Variants in TNIP3 observed in about 807,000 individuals in gnomAD.
TNIP3 encodes TNFAIP3-interacting protein 3.
Under a neutral mutation model 54.1 loss-of-function variants are expected in TNIP3, and 34 were observed. The ratio of observed to expected loss-of-function variants is 0.63; its 90% CI spans 0.48 to 0.84. The LOEUF (loss-of-function observed/expected upper bound fraction) is 0.84. Ranked by LOEUF, TNIP3 falls within the 40% of genes least tolerant of loss-of-function variation. The pLI, the probability that TNIP3 is intolerant of heterozygous loss-of-function variation, is 0.00. For missense variants in TNIP3, 366 were observed against 387.6 expected (o/e 0.94, Z 0.47); for synonymous variants, 134 against 136.8 (o/e 0.98, Z 0.14).
At chr4:121,221,938 AG>A (rs952663362) in intron 1 of TNIP3, among the ~76,000 whole-genome samples, 1 of 152,176 alleles carries the variant, frequency 6.6e-6, no homozygotes, top group Non-Finnish European at 1.5e-5. Context: ...CTGACATTTG[AG>A]GACTGAATCT....
chr4:121,195,401 C>T (rs1477695257), intron 2 of TNIP3, among the ~76,000 whole-genome samples: 3 of 152,178 alleles, frequency 2.0e-5, no homozygotes, highest in Non-Finnish European at 2.9e-5. Context: ...TATATCACAG[C>T]ATTACCTTTG....
chr4:121,208,706 G>A (rs891250254), intron 2 of TNIP3, among the ~76,000 whole-genome samples: 4 of 152,194 alleles, frequency 2.6e-5, no homozygotes, highest in African/African-American at 9.7e-5. Flanking sequence ...AAAAGTGGGT[G>A]TGATATAATA....
At chr4:121,139,303 A>G (rs1408842234) in intron 9 of TNIP3, among the ~76,000 whole-genome samples, 2 of 152,254 alleles carry the variant, frequency 1.3e-5, no homozygotes, top group Non-Finnish European at 2.9e-5. Flanking sequence ...CTAGGTTTAC[A>G]CCAGTTAAGA....
At chr4:121,227,229 C>T (rs896867463) in intron 1 of TNIP3, among the ~76,000 whole-genome samples, 5 of 152,122 alleles carry the variant, frequency 3.3e-5, no homozygotes, top group Non-Finnish European at 5.9e-5. Flanking sequence ...ACACATAAAA[C>T]CTTATCTTAA....
intron 2 of TNIP3, among the ~76,000 whole-genome samples, chr4:121,198,384 T>C (rs1410297310): frequency 6.6e-6 from 1 of 152,004 alleles, no homozygotes; most frequent in Admixed American, 6.6e-5. Context: ...TGCAAAGAGG[T>C]TTACAAGGCA....
intron 3 of TNIP3, among the ~76,000 whole-genome samples, chr4:121,180,331 C>T (rs975311171): frequency 4.0e-5 from 6 of 151,852 alleles, no homozygotes; most frequent in East Asian, 1.9e-4. Context: ...ACTCAGGAGG[C>T]GCAGCTTGCA....
intron 2 of TNIP3, among the ~76,000 whole-genome samples, chr4:121,191,080 G>A (rs892394882): frequency 6.6e-6 from 1 of 152,026 alleles, no homozygotes; most frequent in Non-Finnish European, 1.5e-5. Context: ...TGTTTTTGTT[G>A]TTTTTGTTTT....
intron 6 of TNIP3, among the ~76,000 whole-genome samples, chr4:121,149,347 T>C (rs1729607136): frequency 6.6e-6 from 1 of 152,194 alleles, no homozygotes; most frequent in Non-Finnish European, 1.5e-5. Context: ...TTATAATAAG[T>C]ACAAAGTATT....
At chr4:121,147,006 TATAC>T in intron 7 of TNIP3, 39 bp downstream of exon 7, 1 of 1,560,842 alleles carries the variant, frequency 6.4e-7, no homozygotes, top group African/African-American at 1.4e-5. Context: ...ATGAAAAAAA[TATAC>T]ATACATGCTG....
chr4:121,227,307 A>T, intron 1 of TNIP3: 2 of 1,337,654 alleles, frequency 1.5e-6, no homozygotes, highest in Non-Finnish European at 2.1e-6. Flanking sequence ...TATGCATTTT[A>T]AAAAAGAAAT....
chr4:121,141,411 T>C (rs1280432896), intron 9 of TNIP3, among the ~76,000 whole-genome samples: 4 of 152,236 alleles, frequency 2.6e-5, no homozygotes, highest in Admixed American at 1.3e-4. Context: ...TTTGCACATA[T>C]GTAGCAATAT....
intron 2 of TNIP3, among the ~76,000 whole-genome samples, chr4:121,198,838 GTAA>G (rs535930551): frequency 5.6e-4 from 85 of 152,298 alleles, no homozygotes; most frequent in African/African-American, 1.9e-3. Context: ...TTCTTTCAAA[GTAA>G]TGATGGCCTG....
intron 2 of TNIP3, among the ~76,000 whole-genome samples, chr4:121,210,945 A>G (rs1726448475): frequency 1.3e-5 from 2 of 152,238 alleles, no homozygotes; most frequent in African/African-American, 4.8e-5. Flanking sequence ...AACAAAAAAG[A>G]GAAATCATCA....
chr4:121,138,042 T>C (rs1322353271), intron 10 of TNIP3: 3 of 447,748 alleles, frequency 6.7e-6, no homozygotes, highest in Non-Finnish European at 1.3e-5. Context: ...AAATGTTAAA[T>C]CAATAAAAAA....
intron 2 of TNIP3, among the ~76,000 whole-genome samples, chr4:121,189,312 G>A (rs1171798026): frequency 6.6e-6 from 1 of 152,106 alleles, no homozygotes; most frequent in Non-Finnish European, 1.5e-5. Flanking sequence ...GAAAGACCCT[G>A]GAGAACAAAG....
intron 1 of TNIP3, among the ~76,000 whole-genome samples, chr4:121,222,056 A>G (rs1439374877): frequency 6.6e-6 from 1 of 152,164 alleles, no homozygotes; most frequent in East Asian, 1.9e-4. Flanking sequence ...CTAAAATGAG[A>G]ACAGATTGTA....
rs1728929666 is a variant in TNIP3, at chr4:121,138,644, T to A, written c.926A>T (p.Asp309Val). 6.2e-7 allele frequency: 1 copy of A among 1,613,936 alleles called. No homozygotes were observed. Among genetic ancestry groups the A allele is most frequent in the Admixed American group, 1.7e-5 (1 of 60,002 alleles). Reference sequence around the variant, plus strand: ...CTCACCATTTGCCTTGTGTTGTACATCTGGCGGAAGCTGGTCAAGAGCATA... The same window carrying A: ...CTCACCATTTGCCTTGTGTTGTACAACTGGCGGAAGCTGGTCAAGAGCATA... ...QWYALDQLPPDVQHKANGLSS... is the reference protein window; with the variant it reads ...QWYALDQLPPVVQHKANGLSS... The change falls in exon 10 of 11, where the codon GAT (aspartate) becomes GTT (valine). Residue 309 changes from aspartate (D) to valine (V), a missense_variant. By Grantham distance (152) the Asp-to-Val change is radical (BLOSUM62 -3). Coordinates refer to ENST00000057513, the MANE Select transcript of TNIP3 (RefSeq NM_024873.6).
At chr4:121,199,606 C>T (rs190215342) in intron 2 of TNIP3, among the ~76,000 whole-genome samples, 7 of 152,258 alleles carry the variant, frequency 4.6e-5, no homozygotes, top group Middle Eastern at 6.8e-3. Flanking sequence ...TGATCTTTAT[C>T]TCCCACATTC....
chr4:121,155,376 A>T (rs535206739), intron 4 of TNIP3, among the ~76,000 whole-genome samples: 133 of 152,348 alleles, frequency 8.7e-4, no homozygotes, highest in African/African-American at 3.1e-3. Flanking sequence ...GTGAGAAAAC[A>T]ATACTAAATA....
Sources: allele counts gnomAD v4.1 joint callset (sites outside exome capture counted in the v4.1 genomes callset), GRCh38; gene constraint gnomAD v4.1.1; transcripts MANE v1.5; gene names NCBI Gene and HGNC (gene_info 2026-07-23, HGNC 2026-07-21).